HDAC9: variants seen among roughly 807,000 people sequenced by gnomAD.
The protein encoded by HDAC9 is MEF-2 interacting transcription repressor (MITR) protein.
HDAC9 carries 41 observed loss-of-function variants against 139.4 expected under a neutral mutation model. The ratio of observed to expected loss-of-function variants is 0.29; its 90% CI spans 0.23 to 0.38. The LOEUF is 0.38. Among genes scored for constraint, HDAC9 ranks in the 10% least tolerant of loss-of-function variants. HDAC9 has a pLI of 1.00. For synonymous variants in HDAC9, 517 were observed against 476.2 expected (o/e 1.09, Z -1.12); for missense variants, 1,147 against 1,297.0 (o/e 0.88, Z 1.78).
chr7:18,211,130 G>T (rs1465690107), intron 2 of HDAC9, among the ~76,000 whole-genome samples: 1 of 152,184 alleles, frequency 6.6e-6, no homozygotes, highest in Non-Finnish European at 1.5e-5. Context: ...GTCAGTTTTG[G>T]ATTAGTGATT....
intron 22 of HDAC9, among the ~76,000 whole-genome samples, chr7:18,925,102 A>G (rs1460236946): frequency 6.6e-6 from 1 of 152,184 alleles, no homozygotes; most frequent in Non-Finnish European, 1.5e-5. Context: ...TAGCTTGAGT[A>G]AGAAGAATGG....
intron 2 of HDAC9, among the ~76,000 whole-genome samples, chr7:18,235,109 C>T (rs1793729321): frequency 6.6e-6 from 1 of 152,006 alleles, no homozygotes; most frequent in African/African-American, 2.4e-5. Flanking sequence ...TGATTGTTAT[C>T]CCATTTGATG....
In HDAC9 at chr7:18,732,722, C is replaced by CACACACGTATGTGTGCGTATGTGT. The variant is rs1786266177; in HGVS notation, c.1909+4971_1909+4972insGTATGTGTGCGTATGTGTACACAC. Among the ~76,000 whole-genome samples, 13 of 99,686 alleles carry CACACACGTATGTGTGCGTATGTGT rather than the reference C, an allele frequency of 1.3e-4. 1 individual carries two copies. The highest frequency in any genetic ancestry group is 6.5e-4 in the African/African-American group (13 of 20,016). 65.4% of individuals were successfully genotyped at this position (99,686 alleles called of 152,430 possible). ...ACGTGTATGTGTGCGTATGTGTACA[C>CACACACGTATGTGTGCGTATGTGT]ACACACACGTGTATGTGTGCGTATG... On this transcript the variant is annotated intron_variant, in intron 13 of 25. Coordinates refer to ENST00000686413, the MANE Select transcript of HDAC9 (RefSeq NM_178425.4).
At chr7:18,677,866 A>C (rs1781623489) in intron 12 of HDAC9, among the ~76,000 whole-genome samples, 1 of 151,908 alleles carries the variant, frequency 6.6e-6, no homozygotes, top group South Asian at 2.1e-4. Flanking sequence ...GTTCCATTCT[A>C]TCAATTTGTT....
chr7:18,629,606 T>A, intron 7 of HDAC9, 125 bp downstream of exon 7: 3 of 958,614 alleles, frequency 3.1e-6, no homozygotes, highest in Middle Eastern at 3.1e-4. Context: ...GAAAGGAAAT[T>A]ATATTGAAAA....
At chr7:18,842,187 G>A (rs1490582606) in intron 21 of HDAC9, among the ~76,000 whole-genome samples, 3 of 152,104 alleles carry the variant, frequency 2.0e-5, no homozygotes, top group Non-Finnish European at 4.4e-5. Flanking sequence ...TTAGTGACAA[G>A]TAAATATATT....
chr7:18,739,534 C>T (rs563664208), intron 13 of HDAC9, among the ~76,000 whole-genome samples: 3 of 152,322 alleles, frequency 2.0e-5, no homozygotes, highest in South Asian at 2.1e-4. Context: ...AGCTACAGGT[C>T]TGTTGGAGTT....
At chr7:18,500,984 C>T (rs1448218986) in intron 2 of HDAC9, among the ~76,000 whole-genome samples, 1 of 150,822 alleles carries the variant, frequency 6.6e-6, no homozygotes, top group Non-Finnish European at 1.5e-5. Context: ...ACAGAATAGG[C>T]CCAGGTAAAA....
rs769208143 is a variant in HDAC9 at position 18,670,830 on chromosome 7, A to C, written c.1731+4354A>C. On this transcript the variant is annotated intron_variant, in intron 12 of 25. Coordinates refer to ENST00000686413, the MANE Select transcript of HDAC9 (RefSeq NM_178425.4). ...TCTTGATCAATAATCTTTTTTTAAT[A>C]GCTTCTATAAATTGTGAGATTAGTG... is the stretch of plus-strand genomic sequence containing the variant. 6.8e-4 allele frequency among the ~76,000 whole-genome samples: 103 copies of C among 150,892 alleles called. 1 individual carries two copies. The highest frequency in any genetic ancestry group is 3.6e-3 in the South Asian group (17 of 4,788).
intron 17 of HDAC9, among the ~76,000 whole-genome samples, chr7:18,796,927 T>C (rs773496980): frequency 2.0e-5 from 3 of 152,188 alleles, no homozygotes; most frequent in Non-Finnish European, 4.4e-5. Context: ...TCTGGACATA[T>C]TTATCAAAAC....
At chr7:18,239,690 A>T (rs1794060376) in intron 2 of HDAC9, among the ~76,000 whole-genome samples, 1 of 152,188 alleles carries the variant, frequency 6.6e-6, no homozygotes, top group Admixed American at 6.5e-5. Context: ...ATTTTAGCAG[A>T]GACCTGGCAG....
intron 2 of HDAC9, among the ~76,000 whole-genome samples, chr7:18,176,181 G>A (rs991320716): frequency 6.6e-5 from 10 of 152,192 alleles, no homozygotes; most frequent in African/African-American, 1.2e-4. Flanking sequence ...ATGTAAACAT[G>A]TTTAATAAAA....
intron 6 of HDAC9, among the ~76,000 whole-genome samples, chr7:18,616,356 T>C (rs1055469827): frequency 2.0e-5 from 3 of 152,170 alleles, no homozygotes; most frequent in Admixed American, 6.5e-5. Context: ...TACTACCCCT[T>C]TACTATTTTA....
intron 1 of HDAC9, among the ~76,000 whole-genome samples, chr7:18,369,484 C>A (rs998547733): frequency 3.3e-5 from 5 of 150,608 alleles, no homozygotes; most frequent in Non-Finnish European, 5.9e-5. Flanking sequence ...TTTTTTCTTT[C>A]TCCTCCCTTT....
intron 6 of HDAC9, among the ~76,000 whole-genome samples, chr7:18,607,980 T>A (rs1363944670): frequency 6.6e-6 from 1 of 152,102 alleles, no homozygotes; most frequent in Non-Finnish European, 1.5e-5. Context: ...AAGATTGGAA[T>A]GAGAAAATGG....
chr7:18,569,473 T>C (rs1277414596), intron 2 of HDAC9, among the ~76,000 whole-genome samples: 1 of 152,224 alleles, frequency 6.6e-6, no homozygotes, highest in African/African-American at 2.4e-5. Context: ...TAATTTCTTA[T>C]ACTTTTGATT....
intron 2 of HDAC9, among the ~76,000 whole-genome samples, chr7:18,542,964 G>A (rs888434189): frequency 6.6e-6 from 1 of 152,176 alleles, no homozygotes; most frequent in Non-Finnish European, 1.5e-5. Context: ...TTTATGTCAT[G>A]CAATATGTAG....
At chr7:18,789,458 T>G (rs1792119486) in intron 16 of HDAC9, among the ~76,000 whole-genome samples, 1 of 152,232 alleles carries the variant, frequency 6.6e-6, no homozygotes, top group Non-Finnish European at 1.5e-5. Flanking sequence ...TTTAAGAATT[T>G]GCCTTGCATG....
At chr7:18,853,636 T>C (rs945105471) in intron 21 of HDAC9, among the ~76,000 whole-genome samples, 9 of 152,162 alleles carry the variant, frequency 5.9e-5, no homozygotes, top group Admixed American at 5.2e-4. Context: ...GAAACTGTTA[T>C]AATTTAAGAG....
Sources: allele counts gnomAD v4.1 joint callset (sites outside exome capture counted in the v4.1 genomes callset), GRCh38; gene constraint gnomAD v4.1.1; transcripts MANE v1.5; gene names NCBI Gene and HGNC (gene_info 2026-07-23, HGNC 2026-07-21).